Variants in SPON2 observed in about 807,000 individuals in gnomAD.
The protein encoded by SPON2 is spondin-2.
Under a neutral mutation model 29.9 loss-of-function variants are expected in SPON2, and 32 were observed. The ratio of observed to expected loss-of-function variants is 1.07; its 90% CI spans 0.81 to 1.44. SPON2 has a LOEUF of 1.44. SPON2 is among the 40% of genes most tolerant of loss of function. SPON2 has a pLI of 0.00. For missense variants in SPON2, 541 were observed against 455.5 expected (o/e 1.19, Z -1.71); for synonymous variants, 248 against 209.1 (o/e 1.19, Z -1.61).
At chr4:1,204,780 T>TGTG (rs1398292118) in intron 1 of SPON2, among the ~76,000 whole-genome samples, 1 of 152,214 alleles carries the variant, frequency 6.6e-6, no homozygotes, top group African/African-American at 2.4e-5. Flanking sequence ...GTTGCTGGTC[T>TGTG]GTGGTCCTCA....
At chr4:1,196,277 C>T (rs369656979), upstream of SPON2, among the ~76,000 whole-genome samples, 33 of 152,232 alleles carry the variant, frequency 2.2e-4, no homozygotes, top group Admixed American at 1.5e-3. Context: ...TCTTCACTCA[C>T]GGCTGTGCAT....
chr4:1,187,463 G>A (rs1483976416), intron 1 of SPON2, among the ~76,000 whole-genome samples: 2 of 152,196 alleles, frequency 1.3e-5, no homozygotes, highest in African/African-American at 4.8e-5. Context: ...TATACATGAT[G>A]AATGTTTTTA....
chr4:1,188,928 ATGT>A (rs2108663755), intron 1 of SPON2, among the ~76,000 whole-genome samples: 1 of 152,352 alleles, frequency 6.6e-6, no homozygotes, highest in African/African-American at 2.4e-5. Flanking sequence ...AATAAACCCG[ATGT>A]TGTCATAAAA....
At chr4:1,184,730 C>G (rs913462552) in intron 1 of SPON2, among the ~76,000 whole-genome samples, 6 of 151,990 alleles carry the variant, frequency 3.9e-5, no homozygotes, top group African/African-American at 1.5e-4. Flanking sequence ...GTCAGGAGTT[C>G]ATGACCAGTC....
chr4:1,170,899 C>A (rs1168400813), intron 4 of SPON2, 100 bp downstream of exon 4: 14 of 1,457,538 alleles, frequency 9.6e-6, no homozygotes, highest in Non-Finnish European at 1.1e-5. Context: ...AAGCCGCAAG[C>A]GGCTGTCCTG....
intron 2 of SPON2, 21 bp downstream of exon 2, chr4:1,171,831 C>G: frequency 6.4e-7 from 1 of 1,572,782 alleles, no homozygotes; most frequent in Non-Finnish European, 8.7e-7. Flanking sequence ...GAGCAGGAGG[C>G]GAGGAGGGGG....
chr4:1,176,485 C>G (rs190326217), upstream of SPON2, among the ~76,000 whole-genome samples: 59 of 152,284 alleles, frequency 3.9e-4, no homozygotes, highest in African/African-American at 1.1e-3. Context: ...TCCATTCACA[C>G]AGTACATTCA....
chr4:1,178,537 C>T (rs1039681113), intron 2 of SPON2, among the ~76,000 whole-genome samples: 3 of 152,112 alleles, frequency 2.0e-5, no homozygotes, highest in African/African-American at 7.2e-5. Flanking sequence ...TGGCTGCTCA[C>T]ACCTCAGGGC....
At position 1,202,431 on chromosome 4, in the gene SPON2, C is replaced by A. The variant is rs1015996793; in HGVS notation, c.-234+5449G>T. Among the ~76,000 whole-genome samples, 1 of 152,224 alleles carries A rather than the reference C, an allele frequency of 6.6e-6. No homozygotes were observed. On this transcript the variant is annotated intron_variant, in intron 1 of 3. Coordinates refer to the SPON2 transcript ENST00000509233. The surrounding 1 kb of genome is among the most constrained non-coding windows in gnomAD (Gnocchi z 5.4). Reference sequence around the variant, plus strand: ...ACTGCACGCCAGGCCCAGTACTCACCGCTCTCACATACAAAATCATATGAG... The same window carrying A: ...ACTGCACGCCAGGCCCAGTACTCACAGCTCTCACATACAAAATCATATGAG...
chr4:1,194,984 C>CT (rs1728020725), intron 1 of SPON2: 3 of 141,724 alleles, frequency 2.1e-5, no homozygotes, highest in Non-Finnish European at 4.6e-5. Flanking sequence ...CAGCCGGCGG[C>CT]CTCACCTCAC....
chr4:1,171,625 T>C (rs1351473189), intron 2 of SPON2, 139 bp from the exon 3 acceptor site: 2 of 963,536 alleles, frequency 2.1e-6, no homozygotes, highest in African/African-American at 1.6e-5. Flanking sequence ...CGTGACACCC[T>C]GTGGCTGCCC....
At position 1,166,992 on chromosome 4, in the gene SPON2, T is replaced by G. The variant is rs1445803902; in HGVS notation, c.*480A>C. ...AGAGAGATCCATAACATGGAAACAC[T>G]GACGCTTCCGAAACCGCCCCATTTA... is the stretch of plus-strand genomic sequence containing the variant. On this transcript the variant is annotated 3_prime_UTR_variant, in exon 6 of 6. Transcript: ENST00000290902. The G allele has an allele frequency of 6.4e-6, 1 of 155,392 alleles. No homozygotes were observed. The allele number at this position is 155,392 out of a possible 1,614,324, so 9.6% of individuals were successfully genotyped here.
chr4:1,172,951 C>T (rs1328211832), upstream of SPON2: 2 of 139,004 alleles, frequency 1.4e-5, no homozygotes, highest in African/African-American at 5.4e-5. Flanking sequence ...CCTCCTCCCT[C>T]TCCCCGTTTC....
chr4:1,189,569 G>A (rs1326344170), intron 1 of SPON2, among the ~76,000 whole-genome samples: 3 of 144,130 alleles, frequency 2.1e-5, no homozygotes, highest in Non-Finnish European at 3.0e-5. Context: ...CCAGGAGGTC[G>A]AGGCTGCAGT....
At chr4:1,181,268 C>T (rs1727696335) in intron 1 of SPON2, among the ~76,000 whole-genome samples, 1 of 152,070 alleles carries the variant, frequency 6.6e-6, no homozygotes, top group Non-Finnish European at 1.5e-5. Context: ...ATACTATCAA[C>T]CAAGAAGTTT....
intron 1 of SPON2, among the ~76,000 whole-genome samples, chr4:1,201,614 G>A (rs1728207570): frequency 6.6e-6 from 1 of 150,442 alleles, no homozygotes; most frequent in Admixed American, 6.6e-5. Flanking sequence ...ACAGAGTCTT[G>A]CTCTGTCACC....
chr4:1,173,782 T>C (rs1017015424), upstream of SPON2, among the ~76,000 whole-genome samples: 6 of 152,200 alleles, frequency 3.9e-5, no homozygotes, highest in Admixed American at 6.5e-5. Context: ...TAACCTGTAT[T>C]TTAAGCGAAA....
rs1258527944 is a variant in SPON2 at position 1,171,148 on chromosome 4, C to T, written c.487G>A (p.Val163Met). The T allele has an allele frequency of 5.1e-6, 8 of 1,553,464 alleles. No homozygotes were observed. In the East Asian group the frequency reaches 1.7e-4, roughly 33 times the overall value. Residue 163 changes from valine to methionine, a missense_variant, in exon 4 of 6, where the codon GTG (valine) becomes ATG (methionine). Val to Met is a conservative substitution (Grantham distance 21). Transcript: ENST00000290902. The part of the protein sequence containing the change: ...VRIVPSPDWF[V>M]GVDSLDLCDG... ...CACAGGTCCAGGCTGTCCACGCCCA[C>T]GAACCAGTCGGGGCTGGGCACGATG...
At chr4:1,173,604 T>C (rs892429770), upstream of SPON2, among the ~76,000 whole-genome samples, 11 of 152,232 alleles carry the variant, frequency 7.2e-5, no homozygotes, top group Non-Finnish European at 1.3e-4. Flanking sequence ...TCGGGAATGG[T>C]CTTGCTCAAT....
Sources: allele counts gnomAD v4.1 joint callset (sites outside exome capture counted in the v4.1 genomes callset), GRCh38; gene constraint gnomAD v4.1.1; non-coding constraint Gnocchi (gnomAD v3.1); transcripts MANE v1.5; gene names NCBI Gene and HGNC (gene_info 2026-07-23, HGNC 2026-07-21).